The following VTI1A variants were observed in gnomAD, a reference collection of about 807,000 sequenced individuals.
The protein encoded by VTI1A is vesicle transport through interaction with t-SNAREs homolog 1A.
In VTI1A, 22 loss-of-function variants were observed where a neutral mutation model predicts 34.9. That is an observed-to-expected ratio of 0.63 (90% CI 0.45 to 0.90). VTI1A has a LOEUF of 0.90. VTI1A is among the 40% of genes least tolerant of loss of function. VTI1A has a pLI of 0.00. For missense variants in VTI1A, 268 were observed against 275.6 expected (o/e 0.97, Z 0.20); for synonymous variants, 87 against 97.3 (o/e 0.89, Z 0.62).
chr10:112,652,194 C>T (rs1306436348), intron 5 of VTI1A, among the ~76,000 whole-genome samples: 3 of 152,140 alleles, frequency 2.0e-5, no homozygotes, highest in African/African-American at 7.2e-5. Context: ...GTAGACAAGC[C>T]CTGAGTGAAA....
intron 4 of VTI1A, among the ~76,000 whole-genome samples, chr10:112,528,934 G>A (rs548336979): frequency 2.0e-5 from 3 of 151,968 alleles, no homozygotes; most frequent in South Asian, 4.2e-4. Context: ...TTTGCCTTGC[G>A]TACATATAAG....
intron 3 of VTI1A, among the ~76,000 whole-genome samples, chr10:112,497,502 A>G (rs1443224711): frequency 6.6e-6 from 1 of 152,222 alleles, no homozygotes; most frequent in Non-Finnish European, 1.5e-5. Flanking sequence ...TGTGAAGAGT[A>G]AATTAACATA....
chr10:112,531,104 C>CACACAT (rs1554897018), intron 4 of VTI1A, among the ~76,000 whole-genome samples: 1 of 142,396 alleles, frequency 7.0e-6, no homozygotes, highest in Non-Finnish European at 1.5e-5. Flanking sequence ...CACACACACA[C>CACACAT]GTGCGCACGT....
chr10:112,521,889 C>A (rs182085551), intron 3 of VTI1A, among the ~76,000 whole-genome samples: 1 of 151,850 alleles, frequency 6.6e-6, no homozygotes. Context: ...GATTGATGAG[C>A]CTTTTTGAGT....
chr10:112,799,352 G>A (rs534692662), intron 7 of VTI1A, among the ~76,000 whole-genome samples: 3 of 152,312 alleles, frequency 2.0e-5, no homozygotes, highest in Admixed American at 2.0e-4. Context: ...TGGCCATCCA[G>A]TGTTTTGGAA....
chr10:112,756,421 A>G (rs1346220434), intron 7 of VTI1A, among the ~76,000 whole-genome samples: 5 of 152,222 alleles, frequency 3.3e-5, no homozygotes, highest in Admixed American at 3.3e-4. Flanking sequence ...CTCCGACTAC[A>G]TGACACTGGA....
intron 5 of VTI1A, among the ~76,000 whole-genome samples, chr10:112,614,075 A>C (rs1223914540): frequency 6.6e-6 from 1 of 152,164 alleles, no homozygotes; most frequent in Non-Finnish European, 1.5e-5. Context: ...TTTTAGAGGA[A>C]GTAATGCACA....
intron 3 of VTI1A, among the ~76,000 whole-genome samples, chr10:112,485,769 C>G (rs1848605167): frequency 6.6e-6 from 1 of 152,094 alleles, no homozygotes; most frequent in South Asian, 2.1e-4. Context: ...TTTAAGTTGC[C>G]TGTATCTTTT....
chr10:112,564,697 A>G (rs570186316), intron 5 of VTI1A, among the ~76,000 whole-genome samples: 3 of 152,196 alleles, frequency 2.0e-5, no homozygotes, highest in South Asian at 4.2e-4. Flanking sequence ...GAGGAGAGAA[A>G]AGTTGAGAGT....
the VTI1A span, among the ~76,000 whole-genome samples, chr10:112,836,104 T>C: frequency 6.6e-6 from 1 of 152,196 alleles, no homozygotes; most frequent in Non-Finnish European, 1.5e-5. Flanking sequence ...CCAGCTTGCG[T>C]CCAGCCCTGT....
At chr10:112,742,271 G>C (rs183512405) in intron 7 of VTI1A, among the ~76,000 whole-genome samples, 2 of 152,114 alleles carry the variant, frequency 1.3e-5, no homozygotes, top group African/African-American at 2.4e-5. Context: ...CTTGACTTTT[G>C]CCCTTATAAA....
intron 5 of VTI1A, among the ~76,000 whole-genome samples, chr10:112,642,741 C>A (rs1846621124): frequency 6.6e-6 from 1 of 151,996 alleles, no homozygotes; most frequent in Non-Finnish European, 1.5e-5. Flanking sequence ...ACAGGCATGA[C>A]CCCAGTTAGT....
intron 3 of VTI1A, among the ~76,000 whole-genome samples, chr10:112,516,936 C>T (rs2134193770): frequency 6.6e-6 from 1 of 152,048 alleles, no homozygotes; most frequent in East Asian, 1.9e-4. Context: ...CCTGAGATGC[C>T]TTTATATTAT....
intron 5 of VTI1A, among the ~76,000 whole-genome samples, chr10:112,569,378 G>A (rs1852033490): frequency 6.6e-6 from 1 of 152,160 alleles, no homozygotes. Flanking sequence ...TAAGGAATCA[G>A]TCCAATTGAA....
At chr10:112,633,246 A>G (rs1159499561) in intron 5 of VTI1A, among the ~76,000 whole-genome samples, 1 of 152,184 alleles carries the variant, frequency 6.6e-6, no homozygotes, top group Non-Finnish European at 1.5e-5. Flanking sequence ...GTCATAGAGA[A>G]TTACGGGACT....
chr10:112,452,620 T>C (rs559171060), intron 1 of VTI1A, among the ~76,000 whole-genome samples: 2 of 151,890 alleles, frequency 1.3e-5, no homozygotes, highest in Admixed American at 6.5e-5. Context: ...CTTTGAATAA[T>C]ATACATTCAT....
intron 5 of VTI1A, among the ~76,000 whole-genome samples, chr10:112,655,623 C>G (rs1847204525): frequency 6.6e-6 from 1 of 152,088 alleles, no homozygotes; most frequent in South Asian, 2.1e-4. Flanking sequence ...GTGATGAATC[C>G]TATTCTTGAA....
chr10:112,706,244 C>T (rs1291406469), intron 7 of VTI1A, among the ~76,000 whole-genome samples: 1 of 152,166 alleles, frequency 6.6e-6, no homozygotes, highest in Non-Finnish European at 1.5e-5. Context: ...AAAGCCTTTC[C>T]AGCATCTTCT....
chr10:112,608,110 AC>A (rs1195091960), intron 5 of VTI1A, among the ~76,000 whole-genome samples: 1 of 152,198 alleles, frequency 6.6e-6, no homozygotes, highest in Non-Finnish European at 1.5e-5. Flanking sequence ...GCTGGCTACC[AC>A]AGAACTCTAC....
Sources: gnomAD v4.1 joint callset for allele counts (sites outside exome capture counted in the v4.1 genomes callset) on GRCh38, gnomAD v4.1.1 for gene constraint, MANE v1.5 for transcripts, NCBI Gene and HGNC (gene_info 2026-07-23, HGNC 2026-07-21) for gene names.